STXBP5L: variants seen among roughly 807,000 people sequenced by gnomAD.
STXBP5L encodes syntaxin binding protein 5L.
STXBP5L carries 65 observed loss-of-function variants against 144.5 expected under a neutral mutation model. That is an observed-to-expected ratio of 0.45 (90% CI 0.37 to 0.55). The LOEUF (loss-of-function observed/expected upper bound fraction) is 0.55. Among genes scored for constraint, STXBP5L ranks in the 20% least tolerant of loss-of-function variants. The pLI, the probability that STXBP5L is intolerant of heterozygous loss-of-function variation, is 0.00. For synonymous variants in STXBP5L, 505 were observed against 469.6 expected (o/e 1.08, Z -0.97); for missense variants, 1,298 against 1,405.5 (o/e 0.92, Z 1.22).
chr3:121,268,344 G>C (rs1047343018), intron 18 of STXBP5L, among the ~76,000 whole-genome samples: 2 of 152,128 alleles, frequency 1.3e-5, no homozygotes, highest in Non-Finnish European at 2.9e-5. Context: ...TCATAAGTGG[G>C]AGCTGAGCAA....
intron 3 of STXBP5L, among the ~76,000 whole-genome samples, chr3:121,040,377 A>G (rs1006684685): frequency 6.6e-6 from 1 of 152,078 alleles, no homozygotes; most frequent in Non-Finnish European, 1.5e-5. Flanking sequence ...AGTACTTTGT[A>G]TGTGAATTCT....
intron 19 of STXBP5L, among the ~76,000 whole-genome samples, chr3:121,289,076 G>C (rs183486617): frequency 6.6e-6 from 1 of 152,188 alleles, no homozygotes; most frequent in South Asian, 2.1e-4. Context: ...ACAACATGCA[G>C]TTCACCAGCC....
At chr3:121,063,109 AC>A (rs2041363711) in intron 5 of STXBP5L, among the ~76,000 whole-genome samples, 1 of 151,888 alleles carries the variant, frequency 6.6e-6, no homozygotes, top group East Asian at 1.9e-4. Context: ...GGAATTTTCA[AC>A]CTTTTTGCGC....
rs951775477 is a variant in STXBP5L, at chr3:121,422,644, T to C, written c.*3547T>C. 1 of 152,178 alleles carries C rather than the reference T, an allele frequency of 6.6e-6. No homozygotes were observed. The highest frequency in any genetic ancestry group is 6.5e-5 in the Admixed American group (1 of 15,274). 9.4% of individuals were successfully genotyped at this position (152,178 alleles called of 1,614,324 possible). A position where few individuals can be genotyped will look rare whatever the true frequency, so the allele number is the denominator to read the frequency against. Reference sequence around the variant, plus strand: ...CCAGACTTTAGGGCCCCAATCATTGTCAAGATCATTGTCTAACTGGAACTC... The same window carrying C: ...CCAGACTTTAGGGCCCCAATCATTGCCAAGATCATTGTCTAACTGGAACTC... On this transcript the variant is annotated 3_prime_UTR_variant, in exon 27 of 27. Coordinates refer to ENST00000471454, the MANE Select transcript of STXBP5L (RefSeq NM_001308330.2).
In STXBP5L at chr3:121,194,275, A is replaced by G. The variant is rs115672698; in HGVS notation, c.878-11648A>G. Among the ~76,000 whole-genome samples the G allele has an allele frequency of 4.6e-4, 70 of 152,358 alleles. 1 individual carries two copies. Among genetic ancestry groups the G allele is most frequent in the African/African-American group, 1.6e-3 (68 of 41,584 alleles). ...TTGTTATAGTCATTTCAAAGCAATAAAACCATACAATATTTGGCATTTTGT... is the reference window on the plus strand; with the variant it reads ...TTGTTATAGTCATTTCAAAGCAATAGAACCATACAATATTTGGCATTTTGT... On this transcript the variant is annotated intron_variant, in intron 9 of 26. Transcript: ENST00000471454.
chr3:121,006,842 G>A (rs1349201209), intron 3 of STXBP5L, among the ~76,000 whole-genome samples: 3 of 152,116 alleles, frequency 2.0e-5, no homozygotes, highest in Admixed American at 6.6e-5. Flanking sequence ...ATTCTGGGTT[G>A]AAAATTATTT....
In STXBP5L at chr3:121,361,328, C is replaced by A. The variant is rs61541138; in HGVS notation, c.2177-17388C>A. Among the ~76,000 whole-genome samples the A allele has an allele frequency of 2.6e-3, 389 of 152,198 alleles. 2 individuals are homozygous for A. Among genetic ancestry groups the A allele is most frequent in the African/African-American group, 8.8e-3 (365 of 41,524 alleles). ...ATCTTCTTTACTTGAATATTAATAT[C>A]TTTCTCTAGGTTTGGGAAGCTCTCT... On this transcript the variant is annotated intron_variant, in intron 20 of 26. Coordinates refer to ENST00000471454, the MANE Select transcript of STXBP5L (RefSeq NM_001308330.2).
chr3:121,020,130 G>A (rs1945439261), intron 3 of STXBP5L, among the ~76,000 whole-genome samples: 2 of 152,066 alleles, frequency 1.3e-5, no homozygotes, highest in African/African-American at 4.8e-5. Flanking sequence ...ATTACAAAAT[G>A]CACTGGAAAG....
At chr3:121,153,715 TAA>T (rs540389518) in intron 8 of STXBP5L, among the ~76,000 whole-genome samples, 1 of 151,906 alleles carries the variant, frequency 6.6e-6, no homozygotes, top group Non-Finnish European at 1.5e-5. Context: ...CTCATAGTGG[TAA>T]AAAAATGTTT....
chr3:121,317,990 T>C (rs1379405052), intron 19 of STXBP5L, among the ~76,000 whole-genome samples: 1 of 152,100 alleles, frequency 6.6e-6, no homozygotes, highest in East Asian at 1.9e-4. Flanking sequence ...CCCTTCTAAT[T>C]CTTCTTATTT....
At chr3:121,356,588 C>G (rs6789414) in intron 20 of STXBP5L, among the ~76,000 whole-genome samples, 15,241 of 152,204 alleles carry the variant, frequency 0.1, 1,190 homozygotes, top group Admixed American at 0.2. Flanking sequence ...TTTCCAGGTA[C>G]AGTCTGTCAC....
At chr3:121,054,662 C>T (rs1044944421) in intron 5 of STXBP5L, among the ~76,000 whole-genome samples, 1 of 151,570 alleles carries the variant, frequency 6.6e-6, no homozygotes, top group African/African-American at 2.4e-5. Context: ...ATGGGTGCAG[C>T]ACACCAACAT....
intron 10 of STXBP5L, among the ~76,000 whole-genome samples, chr3:121,209,330 C>A (rs1202288431): frequency 6.6e-6 from 1 of 152,154 alleles, no homozygotes; most frequent in African/African-American, 2.4e-5. Flanking sequence ...GGTTCTAGAT[C>A]CTTGAGGAAT....
At chr3:121,048,494 AT>A (rs1240195659) in intron 5 of STXBP5L, among the ~76,000 whole-genome samples, 1 of 151,930 alleles carries the variant, frequency 6.6e-6, no homozygotes, top group East Asian at 1.9e-4. Flanking sequence ...TGAATTGGAG[AT>A]TTGGTCTCTT....
intron 2 of STXBP5L, among the ~76,000 whole-genome samples, chr3:120,951,499 T>C (rs892943901): frequency 6.6e-5 from 10 of 151,966 alleles, no homozygotes; most frequent in African/African-American, 9.7e-5. Flanking sequence ...GCGAAGGACA[T>C]GAACAGACAC....
At chr3:121,023,636 C>A (rs560519071) in intron 3 of STXBP5L, among the ~76,000 whole-genome samples, 2 of 152,208 alleles carry the variant, frequency 1.3e-5, no homozygotes, top group African/African-American at 4.8e-5. Flanking sequence ...GGAAAGGACA[C>A]CCTATTTAAC....
At chr3:121,275,317 G>A (rs2050847211) in intron 18 of STXBP5L, among the ~76,000 whole-genome samples, 1 of 152,040 alleles carries the variant, frequency 6.6e-6, no homozygotes, top group Non-Finnish European at 1.5e-5. Context: ...AAATTGCTGT[G>A]AATTTGTAGA....
chr3:121,407,788 G>GTTTTT, intron 23 of STXBP5L, 185 bp downstream of exon 23: 1 of 840,430 alleles, frequency 1.2e-6, no homozygotes, highest in Non-Finnish European at 1.7e-6. Context: ...GTTTTGTTTT[G>GTTTTT]GTTTTTCTTT....
At chr3:121,017,074 A>G (rs1945193688) in intron 3 of STXBP5L, among the ~76,000 whole-genome samples, 1 of 152,228 alleles carries the variant, frequency 6.6e-6, no homozygotes, top group Non-Finnish European at 1.5e-5. Context: ...CAATGTACAA[A>G]AAGAATTATA....
Sources: gnomAD v4.1 joint callset for allele counts (sites outside exome capture counted in the v4.1 genomes callset) on GRCh38, gnomAD v4.1.1 for gene constraint, MANE v1.5 for transcripts, NCBI Gene and HGNC (gene_info 2026-07-23, HGNC 2026-07-21) for gene names.